CTNND2: variants seen among roughly 807,000 people sequenced by gnomAD.
The protein encoded by CTNND2 is catenin delta 2.
CTNND2 carries 22 observed loss-of-function variants against 144.4 expected under a neutral mutation model. That is an observed-to-expected ratio of 0.15 (90% CI 0.11 to 0.22). The LOEUF (loss-of-function observed/expected upper bound fraction) is 0.22. CTNND2 is among the 10% of genes least tolerant of loss of function. The probability of loss-of-function intolerance (pLI) is 1.00; values close to 1 mark genes in which losing one functional copy is unlikely to be tolerated. For synonymous variants in CTNND2, 751 were observed against 695.6 expected (o/e 1.08, Z -1.25); for missense variants, 1,353 against 1,618.8 (o/e 0.84, Z 2.82).
intron 2 of CTNND2, among the ~76,000 whole-genome samples, chr5:11,575,393 A>T (rs1777900025): frequency 6.6e-6 from 1 of 152,178 alleles, no homozygotes; most frequent in African/African-American, 2.4e-5. Context: ...ATGACATTAG[A>T]TCACTTTTAT....
At chr5:11,700,865 T>G (rs1022364943) in intron 2 of CTNND2, among the ~76,000 whole-genome samples, 2 of 152,206 alleles carry the variant, frequency 1.3e-5, no homozygotes, top group African/African-American at 4.8e-5. Flanking sequence ...CTACTTGAAA[T>G]TTGAGGATTT....
At chr5:11,532,370 G>A (rs928540675) in intron 3 of CTNND2, among the ~76,000 whole-genome samples, 5 of 133,082 alleles carry the variant, frequency 3.8e-5, no homozygotes, top group Admixed American at 9.5e-5. Flanking sequence ...TATCTTAGTC[G>A]GTTTCCCAGG....
chr5:11,420,231 G>A (rs1156797174), intron 3 of CTNND2, among the ~76,000 whole-genome samples: 1 of 152,162 alleles, frequency 6.6e-6, no homozygotes, highest in Non-Finnish European at 1.5e-5. Context: ...GCTGAGGCAG[G>A]AGAATTGCTT....
intron 12 of CTNND2, among the ~76,000 whole-genome samples, chr5:11,146,743 C>T (rs1314124058): frequency 4.6e-5 from 7 of 152,160 alleles, no homozygotes; most frequent in Non-Finnish European, 7.3e-5. Context: ...ATGTACTAAG[C>T]AAGTCAGTGA....
At chr5:11,856,446 T>C (rs1795254521) in intron 1 of CTNND2, among the ~76,000 whole-genome samples, 1 of 152,146 alleles carries the variant, frequency 6.6e-6, no homozygotes, top group Admixed American at 6.5e-5. Flanking sequence ...AAAAGCTGTG[T>C]TTCTCTGTAT....
intron 10 of CTNND2, among the ~76,000 whole-genome samples, chr5:11,224,796 C>A (rs1293356555): frequency 6.6e-6 from 1 of 152,208 alleles, no homozygotes; most frequent in Non-Finnish European, 1.5e-5. Context: ...TTCTGGTTTA[C>A]TTCCTAATTA....
At chr5:11,105,506 C>T (rs1465208124) in intron 14 of CTNND2, among the ~76,000 whole-genome samples, 2 of 151,824 alleles carry the variant, frequency 1.3e-5, no homozygotes, top group African/African-American at 2.4e-5. Context: ...TGCTGCCCCA[C>T]ATGTGACCAG....
At position 10,972,081 on chromosome 5, in the gene CTNND2, G is replaced by T. The variant is rs948850081; in HGVS notation, c.*1372C>A. 1.3e-5 allele frequency: 2 copies of T among 152,622 alleles called. No homozygotes were observed. The highest frequency in any genetic ancestry group is 4.8e-5 in the African/African-American group (2 of 41,450). 9.5% of individuals were successfully genotyped at this position (152,622 alleles called of 1,614,324 possible). The stretch of plus-strand genomic sequence containing the variant: ...TGCCACATGAACAAAAAGTTTGGGG[G>T]AATAAGGCGAGCAGTTTACATTTTC... On this transcript the variant is annotated 3_prime_UTR_variant, in exon 22 of 22. Transcript: ENST00000304623.
At chr5:11,062,997 C>G (rs1183262397) in intron 16 of CTNND2, among the ~76,000 whole-genome samples, 1 of 152,134 alleles carries the variant, frequency 6.6e-6, no homozygotes, top group Admixed American at 6.5e-5. Flanking sequence ...GGGCAGTTTC[C>G]AGTTCTTTAC....
At chr5:11,124,584 AG>A (rs1754482801) in intron 12 of CTNND2, among the ~76,000 whole-genome samples, 1 of 152,168 alleles carries the variant, frequency 6.6e-6, no homozygotes. Context: ...CGGGCCACAC[AG>A]GGTTTCTGCC....
intron 9 of CTNND2, among the ~76,000 whole-genome samples, chr5:11,340,086 C>T (rs1413199790): frequency 6.6e-6 from 1 of 152,152 alleles, no homozygotes; most frequent in African/African-American, 2.4e-5. Flanking sequence ...CCTGAGTGTT[C>T]CCACTGGCTA....
At position 11,436,409 on chromosome 5, in the gene CTNND2, A is replaced by T. The variant is rs536084049; in HGVS notation, c.288-24340T>A. On this transcript the variant is annotated intron_variant, in intron 3 of 21. Transcript: ENST00000304623. ...TCCAGAATCTGATGTATAAGGTCAC[A>T]ACTTACAAATTCAATGTGATATTGG... 1.2e-4 allele frequency among the ~76,000 whole-genome samples: 18 copies of T among 152,366 alleles called. No individual in the cohort carries two copies. The South Asian group carries it at 3.3e-3, about 28-fold the overall frequency.
chr5:11,346,631 C>G lies in CTNND2; in HGVS notation c.1373-4G>C, dbSNP rs1407376086. 1 of 1,471,110 alleles carries G rather than the reference C, an allele frequency of 6.8e-7. No homozygotes were observed. The highest frequency in any genetic ancestry group is 9.0e-7 in the Non-Finnish European group (1 of 1,107,412). 91.1% of individuals were successfully genotyped at this position (1,471,110 alleles called of 1,614,324 possible). ...TCGACACCAGGGGAAGATGGGGCTACGACAGGAAAGTAGGGACAAAGTAAA... is the reference window on the plus strand; with the variant it reads ...TCGACACCAGGGGAAGATGGGGCTAGGACAGGAAAGTAGGGACAAAGTAAA... On this transcript the variant is annotated splice_region_variant and splice_polypyrimidine_tract_variant and intron_variant, in intron 8 of 21. Transcript: ENST00000304623.
chr5:11,018,747 G>A (rs1046676839), intron 17 of CTNND2, among the ~76,000 whole-genome samples: 2 of 128,570 alleles, frequency 1.6e-5, no homozygotes, highest in Admixed American at 9.6e-5. Context: ...GTCTTGCTCT[G>A]TTGCCTAGGC....
intron 1 of CTNND2, among the ~76,000 whole-genome samples, chr5:11,779,025 A>C (rs1391208668): frequency 6.6e-6 from 1 of 152,164 alleles, no homozygotes; most frequent in Middle Eastern, 3.2e-3. Flanking sequence ...ATTAGAACAT[A>C]TTTCCAATGC....
chr5:11,143,231 A>G (rs543058672), intron 12 of CTNND2, among the ~76,000 whole-genome samples: 38 of 152,248 alleles, frequency 2.5e-4, no homozygotes, highest in Middle Eastern at 6.8e-3. Context: ...ATTTTCCTAG[A>G]AACTCTCCAT....
At chr5:11,517,418 A>G (rs1363940873) in intron 3 of CTNND2, among the ~76,000 whole-genome samples, 1 of 152,234 alleles carries the variant, frequency 6.6e-6, no homozygotes. Flanking sequence ...CACTAATTCA[A>G]GTGATTCTGC....
chr5:11,146,996 A>C (rs1021151158), intron 12 of CTNND2, among the ~76,000 whole-genome samples: 3 of 152,348 alleles, frequency 2.0e-5, no homozygotes, highest in African/African-American at 7.2e-5. Flanking sequence ...TGATTAGTAC[A>C]GGACAGTTAT....
At chr5:11,713,760 T>A (rs1397279768) in intron 2 of CTNND2, among the ~76,000 whole-genome samples, 4 of 152,132 alleles carry the variant, frequency 2.6e-5, no homozygotes, top group Non-Finnish European at 4.4e-5. Context: ...ACACAGAGCC[T>A]TAATTCTGCA....
Sources: gnomAD v4.1 joint callset for allele counts (sites outside exome capture counted in the v4.1 genomes callset) on GRCh38, gnomAD v4.1.1 for gene constraint, MANE v1.5 for transcripts, NCBI Gene and HGNC (gene_info 2026-07-23, HGNC 2026-07-21) for gene names.